Variants in TNPO2 observed in about 807,000 individuals in gnomAD.
TNPO2 encodes the protein transportin 2, also known as transportin-2.
In TNPO2, 16 loss-of-function variants were observed where a neutral mutation model predicts 111.1. That is an observed-to-expected ratio of 0.14 (90% CI 0.10 to 0.22). TNPO2 has a LOEUF of 0.22. Among genes scored for constraint, TNPO2 ranks in the 10% least tolerant of loss-of-function variants. The pLI is 1.00. For synonymous variants in TNPO2, 481 were observed against 475.8 expected (o/e 1.01, Z -0.14); for missense variants, 530 against 1,173.7 (o/e 0.45, Z 8.01).
chr19:12,720,270 C>T (rs1599430859), intron 3 of TNPO2, among the ~76,000 whole-genome samples: 1 of 151,912 alleles, frequency 6.6e-6, no homozygotes, highest in South Asian at 2.1e-4. Context: ...CCGTCCGCCT[C>T]GGCCTCCCAA....
Position 12,699,251 on chromosome 19 carries a change from C to CA in TNPO2, c.*2012dup. On this transcript the variant is annotated 3_prime_UTR_variant, in exon 26 of 26. Transcript: ENST00000425528. The stretch of plus-strand genomic sequence containing the variant: ...ACAAAGTTCTACACAAGTGGAATCT[C>CA]ACGCCACCTCGGCGCCAATCCCCAG... 2.2e-6 allele frequency: 1 copy of CA among 445,292 alleles called. No individual in the cohort carries two copies. Among genetic ancestry groups the CA allele is most frequent in the Non-Finnish European group, 4.5e-6 (1 of 222,102 alleles). The allele number at this position is 445,292 out of a possible 1,614,324, so 27.6% of individuals were successfully genotyped here. A position where few individuals can be genotyped will look rare whatever the true frequency, so the allele number is the denominator to read the frequency against.
At chr19:12,712,964 C>G (rs904811947) in intron 10 of TNPO2, among the ~76,000 whole-genome samples, 1 of 152,186 alleles carries the variant, frequency 6.6e-6, no homozygotes, top group Non-Finnish European at 1.5e-5. Context: ...CAGCTCACCA[C>G]AGCCTCATGC....
Position 12,706,312 on chromosome 19 carries a change from A to G in TNPO2, c.1552T>C (p.Tyr518His), listed in dbSNP as rs773232585. The change falls in exon 15 of 26, where the codon TAC (tyrosine) becomes CAC (histidine). Residue 518 changes from tyrosine to histidine, a missense_variant. Physicochemically the swap from Tyr to His is moderately conservative, Grantham distance 83. This residue lies in a region of TNPO2 where 183 missense variants were observed against 481.0 expected (regional missense o/e 0.38). Transcript: ENST00000425528. The surrounding 1 kb of genome is among the most constrained non-coding windows in gnomAD (Gnocchi z 7.0). ...GCAAAGACAAGGGTGTCCAGGATGT[A>G]GCTGAGGTAGGGCACCAGCTCCGTG... ...ACTELVPYLS[Y>H]ILDTLVFAFG... is the part of the protein sequence containing the mutation. The G allele has an allele frequency of 5.0e-6, 8 of 1,613,984 alleles. No individual in the cohort carries two copies. The highest frequency in any genetic ancestry group is 6.8e-6 in the Non-Finnish European group (8 of 1,179,874).
intron 19 of TNPO2, 68 bp downstream of exon 19, chr19:12,703,646 G>A: frequency 1.4e-5 from 22 of 1,580,288 alleles, no homozygotes; most frequent in Non-Finnish European, 1.8e-5. Flanking sequence ...AGTCATCCCC[G>A]GGTATTGCTC....
chr19:12,706,927 C>A lies in TNPO2; in HGVS notation c.1271-132G>T, dbSNP rs1417681665. 3 of 754,020 alleles carry A rather than the reference C, an allele frequency of 4.0e-6. No individual in the cohort carries two copies. The highest frequency in any genetic ancestry group is 6.5e-6 in the Non-Finnish European group (3 of 461,720). The allele number at this position is 754,020 out of a possible 1,614,324, so 46.7% of individuals were successfully genotyped here. On this transcript the variant is annotated intron_variant, in intron 13 of 25. Coordinates refer to ENST00000425528, the MANE Select transcript of TNPO2 (RefSeq NM_001382241.1). The surrounding 1 kb of genome is among the most constrained non-coding windows in gnomAD (Gnocchi z 7.0). ...AGAGTTTAAATCACTGGCCCAGACT[C>A]ATTTCACAGAGCCAGGTAAAGGCAG... is the stretch of plus-strand genomic sequence containing the variant.
Position 12,719,670 on chromosome 19 carries a change from G to A in TNPO2, c.100-334C>T, listed in dbSNP as rs150120549. On this transcript the variant is annotated intron_variant, in intron 3 of 25. Coordinates refer to ENST00000425528, the MANE Select transcript of TNPO2 (RefSeq NM_001382241.1). This position sits in a 1 kb window ranked among gnomAD's most constrained non-coding sequence, Gnocchi z 5.0. ...AAAATTATCCGGGCATGATGTGTGC[G>A]TGCCTCTATTCCCAACTACTTGGGA... Among the ~76,000 whole-genome samples, 69 of 152,156 alleles carry A rather than the reference G, an allele frequency of 4.5e-4. No homozygotes were observed. Among genetic ancestry groups the A allele is most frequent in the Admixed American group, 1.9e-3 (29 of 15,274 alleles).
At chr19:12,723,038 C>T (rs1337815100) in intron 2 of TNPO2, among the ~76,000 whole-genome samples, 2 of 152,148 alleles carry the variant, frequency 1.3e-5, no homozygotes, top group Non-Finnish European at 2.9e-5. Context: ...GCTCTTTATA[C>T]CCCAGAGACA....
rs1360978882 is a variant in TNPO2, at chr19:12,710,663, C to T, written c.1228G>A (p.Val410Ile). 6 of 1,613,516 alleles carry T rather than the reference C, an allele frequency of 3.7e-6. No individual in the cohort carries two copies. The highest frequency in any genetic ancestry group is 5.1e-6 in the Non-Finnish European group (6 of 1,179,754). ...AGCACCAGGATGCCCGACTCCTTGACCACCCACTCGGGGTGGAAGAGGAGG... is the reference window on the plus strand; with the variant it reads ...AGCACCAGGATGCCCGACTCCTTGATCACCCACTCGGGGTGGAAGAGGAGG... ...KGLLFHPEWV[V>I]KESGILVLGA... The change falls in exon 13 of 26, where the codon GTC becomes ATC. Residue 410 changes from valine (V) to isoleucine (I), a missense_variant. Val to Ile is a conservative substitution (Grantham distance 29, BLOSUM62 3). This residue lies in a region of TNPO2 where 88 missense variants were observed against 130.2 expected (regional missense o/e 0.68). Transcript: ENST00000425528.
chr19:12,704,949 C>T (rs1425005385), intron 18 of TNPO2, among the ~76,000 whole-genome samples: 5 of 152,090 alleles, frequency 3.3e-5, no homozygotes, highest in African/African-American at 1.2e-4. Flanking sequence ...TCCCAAAGTG[C>T]TGGATTATAG....
rs74324900 is a variant in TNPO2, at chr19:12,710,841, T to A, written c.1118-68A>T. 1.1e-3 allele frequency: 1,586 copies of A among 1,414,416 alleles called. 15 individuals carry two copies. The African/African-American group carries it at 0.02, about 18-fold the overall frequency. The allele number at this position is 1,414,416 out of a possible 1,614,324, so 87.6% of individuals were successfully genotyped here. A position where few individuals can be genotyped will look rare whatever the true frequency, so the allele number is the denominator to read the frequency against. On this transcript the variant is annotated intron_variant, in intron 12 of 25. Transcript: ENST00000425528. ...AGGCAGGTGGCCGACCCTCCTTGAC[T>A]GCACTCCCAGGATCAGAGATCATGC...
chr19:12,719,181 G>A lies in TNPO2; in HGVS notation c.176-3C>T. 1 of 1,613,918 alleles carries A rather than the reference G, an allele frequency of 6.2e-7. No homozygotes were observed. The highest frequency in any genetic ancestry group is 8.5e-7 in the Non-Finnish European group (1 of 1,179,852). The stretch of plus-strand genomic sequence containing the variant: ...ACTGAGAGAGCGCGTTGGCTCATCT[G>A]GGAGGAGGAAGGCTGAGGTTCAGGG... On this transcript the variant is annotated splice_region_variant and splice_polypyrimidine_tract_variant and intron_variant, in intron 4 of 25. Coordinates refer to ENST00000425528, the MANE Select transcript of TNPO2 (RefSeq NM_001382241.1). This position sits in a 1 kb window ranked among gnomAD's most constrained non-coding sequence, Gnocchi z 5.0.
Position 12,719,739 on chromosome 19 carries a change from C to T in TNPO2, c.100-403G>A, listed in dbSNP as rs2145614641. ...GCTTGAACCCAGCAGGTGAAGGTTG[C>T]AGTGAGCCGAGATTGCGCCTCTGCA... On this transcript the variant is annotated intron_variant, in intron 3 of 25. Coordinates refer to ENST00000425528, the MANE Select transcript of TNPO2 (RefSeq NM_001382241.1). The surrounding 1 kb of genome is among the most constrained non-coding windows in gnomAD (Gnocchi z 5.0). Among the ~76,000 whole-genome samples the T allele has an allele frequency of 2.6e-5, 4 of 151,682 alleles. No individual in the cohort carries two copies. The South Asian group carries it at 8.3e-4, about 32-fold the overall frequency.
chr19:12,701,893 G>C lies in TNPO2; in HGVS notation c.2412-42C>G. On this transcript the variant is annotated intron_variant, in intron 22 of 25. Transcript: ENST00000425528. The surrounding 1 kb of genome is among the most constrained non-coding windows in gnomAD (Gnocchi z 5.0). ...AGCTGGAGGTCAGAGGGCAGGCTGG[G>C]CATGCATCTGTGGAGGGCTGGGTCA... is the stretch of plus-strand genomic sequence containing the variant. 6.4e-7 allele frequency: 1 copy of C among 1,559,608 alleles called. No homozygotes were observed. The highest frequency in any genetic ancestry group is 1.1e-5 in the South Asian group (1 of 89,968).
In TNPO2 at chr19:12,701,201, C is replaced by G; in HGVS notation, c.*63G>C. 1.6e-6 allele frequency: 1 copy of G among 638,282 alleles called. No individual in the cohort carries two copies. Among genetic ancestry groups the G allele is most frequent in the East Asian group, 2.8e-5 (1 of 36,084 alleles). The allele number at this position is 638,282 out of a possible 1,614,324, so 39.5% of individuals were successfully genotyped here. On this transcript the variant is annotated 3_prime_UTR_variant, in exon 26 of 26. Coordinates refer to ENST00000425528, the MANE Select transcript of TNPO2 (RefSeq NM_001382241.1). The surrounding 1 kb of genome is among the most constrained non-coding windows in gnomAD (Gnocchi z 5.0). ...AGGGCACAGCGACTTCCGGATGCAG[C>G]GCACTCCCCAGTAATCCCTCCGACG...
In TNPO2 at chr19:12,705,434, G is replaced by C; in HGVS notation, c.1864-36C>G. On this transcript the variant is annotated intron_variant, in intron 17 of 25. Coordinates refer to ENST00000425528, the MANE Select transcript of TNPO2 (RefSeq NM_001382241.1). This position sits in a 1 kb window ranked among gnomAD's most constrained non-coding sequence, Gnocchi z 7.2. ...ATGCCGACAGGGGCACGGGTAAGTG[G>C]AGCAGGCCCGAGGCAGGCCAATGCA... The C allele has an allele frequency of 6.3e-7, 1 of 1,574,850 alleles. No homozygotes were observed. The highest frequency in any genetic ancestry group is 8.6e-7 in the Non-Finnish European group (1 of 1,160,212).
intron 20 of TNPO2, 121 bp from the exon 21 acceptor site, chr19:12,703,039 T>G: frequency 1.2e-6 from 1 of 846,328 alleles, no homozygotes; most frequent in African/African-American, 1.7e-5. Context: ...CCACTACCAG[T>G]GAGGAAACAA....
rs1158273735 is a variant in TNPO2, at chr19:12,701,221, C to CCGA, written c.*40_*42dup. The CCGA allele has an allele frequency of 2.7e-6, 2 of 745,100 alleles. No homozygotes were observed. Among genetic ancestry groups the CCGA allele is most frequent in the Non-Finnish European group, 4.4e-6 (2 of 458,670 alleles). 46.2% of individuals were successfully genotyped at this position (745,100 alleles called of 1,614,324 possible). ...TGCAGCGCACTCCCCAGTAATCCCT[C>CCGA]CGACGACGACGCAGACAGAAACCTG... On this transcript the variant is annotated 3_prime_UTR_variant, in exon 26 of 26. Coordinates refer to ENST00000425528, the MANE Select transcript of TNPO2 (RefSeq NM_001382241.1). This position sits in a 1 kb window ranked among gnomAD's most constrained non-coding sequence, Gnocchi z 5.0.
In TNPO2 at chr19:12,710,652, C is replaced by G. The variant is rs749009497; in HGVS notation, c.1239G>C (p.Ser413=). 2 of 1,613,292 alleles carry G rather than the reference C, an allele frequency of 1.2e-6. No homozygotes were observed. Among genetic ancestry groups the G allele is most frequent in the East Asian group, 4.5e-5 (2 of 44,848 alleles). The change falls in exon 13 of 26, where the codon TCG becomes TCC. Residue 413 remains serine (S), a synonymous_variant. Coordinates refer to ENST00000425528, the MANE Select transcript of TNPO2 (RefSeq NM_001382241.1). ...LFHPEWVVKE[S]GILVLGAIAE... ...CAATGGCGCCCAGCACCAGGATGCC[C>G]GACTCCTTGACCACCCACTCGGGGT...
At chr19:12,720,794 G>C (rs1423781918) in intron 3 of TNPO2, 85 bp downstream of exon 3, 1 of 1,477,336 alleles carries the variant, frequency 6.8e-7, no homozygotes, top group African/African-American at 1.4e-5. Context: ...GACTAGGGGA[G>C]TCAGTCCCTC....
Sources: gnomAD v4.1 joint callset for allele counts (sites outside exome capture counted in the v4.1 genomes callset) on GRCh38, gnomAD v4.1.1 for gene constraint, gnomAD v4.1.1 regional missense constraint, Gnocchi (gnomAD v3.1) non-coding constraint, MANE v1.5 for transcripts, NCBI Gene and HGNC (gene_info 2026-07-23, HGNC 2026-07-21) for gene names.